PARD3: variants seen among roughly 807,000 people sequenced by gnomAD.
PARD3 encodes the protein par-3 family cell polarity regulator.
A neutral mutation model predicts 155.4 loss-of-function variants in PARD3; 75 were observed. The ratio of observed to expected loss-of-function variants is 0.48; its 90% CI spans 0.40 to 0.58. The LOEUF is 0.58. Among genes scored for constraint, PARD3 ranks in the 20% least tolerant of loss-of-function variants. The probability of loss-of-function intolerance (pLI) is 0.00; values close to 1 mark genes in which losing one functional copy is unlikely to be tolerated. For missense variants in PARD3, 1,642 were observed against 1,721.7 expected (o/e 0.95, Z 0.82); for synonymous variants, 576 against 610.5 (o/e 0.94, Z 0.83).
At chr10:34,318,890 C>T (rs1033426302) in intron 19 of PARD3, among the ~76,000 whole-genome samples, 9 of 151,770 alleles carry the variant, frequency 5.9e-5, no homozygotes, top group Non-Finnish European at 8.8e-5. Flanking sequence ...CTCAGCCTCC[C>T]GAGTAGCTGG....
chr10:34,363,221 G>A lies in PARD3; in HGVS notation c.1708-2962C>T, dbSNP rs141031384. ...TTCCTACTTGAAAGATCAGGATAAG[G>A]AGCTGGCTGCATATATGAAGAAAAA... On this transcript the variant is annotated intron_variant, in intron 12 of 24. Coordinates refer to ENST00000374788, the MANE Select transcript of PARD3 (RefSeq NM_001184785.2). Among the ~76,000 whole-genome samples, 853 of 152,258 alleles carry A rather than the reference G, an allele frequency of 5.6e-3. 6 individuals are homozygous for A. The highest frequency in any genetic ancestry group is 0.019 in the African/African-American group (805 of 41,558).
At chr10:34,497,762 C>T (rs943024475) in intron 3 of PARD3, among the ~76,000 whole-genome samples, 2 of 152,068 alleles carry the variant, frequency 1.3e-5, no homozygotes, top group African/African-American at 2.4e-5. Context: ...AGATGATCAG[C>T]GGGTCAAGAT....
intron 20 of PARD3, among the ~76,000 whole-genome samples, chr10:34,299,288 T>C (rs1957046698): frequency 2.6e-5 from 4 of 152,222 alleles, no homozygotes; most frequent in Admixed American, 2.6e-4. Context: ...CTGTCAGTAC[T>C]GAAGACAAAA....
Position 34,382,713 on chromosome 10 carries a change from T to C in PARD3, c.1226A>G (p.Asn409Ser), listed in dbSNP as rs2132002740. ...LHTVQRAPRL[N>S]HPPEQIDSHS... is the part of the protein sequence containing the mutation. ...AGAGTCTATCTGCTCAGGCGGGTGG[T>C]TCAGTCGGGGTGCTCTCTGCACCGT... Residue 409 changes from asparagine (N) to serine (S), a missense_variant, in exon 9 of 25, where the codon AAC becomes AGC. Around this residue, in one of 3 missense-constraint regions of PARD3, gnomAD observed 1,529 missense variants for 1,587.3 expected, o/e 0.96. Transcript: ENST00000374788. 6.2e-7 allele frequency: 1 copy of C among 1,614,156 alleles called. No homozygotes were observed. Among genetic ancestry groups the C allele is most frequent in the Non-Finnish European group, 8.5e-7 (1 of 1,180,026 alleles).
chr10:34,405,180 T>C (rs1844327522), intron 5 of PARD3, among the ~76,000 whole-genome samples: 1 of 151,806 alleles, frequency 6.6e-6, no homozygotes, highest in African/African-American at 2.4e-5. Flanking sequence ...ATCACAAGCA[T>C]TACATGGTGC....
At chr10:34,139,678 G>A (rs966723384) in intron 22 of PARD3, among the ~76,000 whole-genome samples, 9 of 152,192 alleles carry the variant, frequency 5.9e-5, no homozygotes, top group African/African-American at 2.2e-4. Flanking sequence ...AGCCAGCAGT[G>A]ACCACCAGCG....
At chr10:34,313,861 G>C (rs1005473696) in intron 20 of PARD3, among the ~76,000 whole-genome samples, 4 of 152,136 alleles carry the variant, frequency 2.6e-5, no homozygotes, top group African/African-American at 4.8e-5. Flanking sequence ...GCAGACTAAA[G>C]AGAACAAGCT....
chr10:34,360,681 T>C (rs116222540), intron 12 of PARD3, among the ~76,000 whole-genome samples: 3,068 of 152,304 alleles, frequency 0.02, 91 homozygotes, highest in African/African-American at 0.071. Flanking sequence ...GTTATCAATA[T>C]ATTTAATGTT....
At chr10:34,746,596 G>C (rs1590927506) in intron 1 of PARD3, among the ~76,000 whole-genome samples, 1 of 152,152 alleles carries the variant, frequency 6.6e-6, no homozygotes, top group African/African-American at 2.4e-5. Context: ...TTCATATCAA[G>C]TAGAAATAAT....
chr10:34,395,919 T>C (rs1285015437), intron 7 of PARD3, among the ~76,000 whole-genome samples: 1 of 152,014 alleles, frequency 6.6e-6, no homozygotes, highest in Non-Finnish European at 1.5e-5. Context: ...TATTTGTCTC[T>C]ATTTCTACAT....
At chr10:34,706,494 C>G (rs935171831) in intron 1 of PARD3, among the ~76,000 whole-genome samples, 2 of 152,186 alleles carry the variant, frequency 1.3e-5, no homozygotes, top group African/African-American at 4.8e-5. Flanking sequence ...CACCTGTAAT[C>G]CCAGCACTCT....
intron 2 of PARD3, among the ~76,000 whole-genome samples, chr10:34,680,614 AAAG>A (rs1313187050): frequency 6.6e-6 from 1 of 151,844 alleles, no homozygotes; most frequent in African/African-American, 2.4e-5. Flanking sequence ...GGGGAAAGAT[AAAG>A]AAAGAAAACG....
intron 19 of PARD3, among the ~76,000 whole-genome samples, chr10:34,327,070 A>C (rs1021768384): frequency 1.3e-5 from 2 of 152,230 alleles, no homozygotes; most frequent in Non-Finnish European, 2.9e-5. Flanking sequence ...GTATTTTTTA[A>C]AAGAAAACAA....
chr10:34,258,945 T>C (rs1393124220), intron 22 of PARD3, among the ~76,000 whole-genome samples: 1 of 152,042 alleles, frequency 6.6e-6, no homozygotes, highest in African/African-American at 2.4e-5. Context: ...GGCACCTACC[T>C]GTAGTCCCAG....
At chr10:34,477,528 T>C (rs1402396187) in intron 3 of PARD3, among the ~76,000 whole-genome samples, 1 of 152,200 alleles carries the variant, frequency 6.6e-6, no homozygotes, top group Non-Finnish European at 1.5e-5. Flanking sequence ...ACTGTAAATA[T>C]TGATGTCTCT....
At chr10:34,723,643 G>A (rs1051236430) in intron 1 of PARD3, among the ~76,000 whole-genome samples, 1 of 152,198 alleles carries the variant, frequency 6.6e-6, no homozygotes, top group African/African-American at 2.4e-5. Flanking sequence ...GCTTTATGAT[G>A]TCAGAAGACT....
At chr10:34,196,475 G>A (rs1950938381) in intron 22 of PARD3, among the ~76,000 whole-genome samples, 1 of 151,604 alleles carries the variant, frequency 6.6e-6, no homozygotes, top group Non-Finnish European at 1.5e-5. Flanking sequence ...ATTGAACAAT[G>A]CTTGAGAGAA....
chr10:34,618,337 A>G (rs1446243684), intron 2 of PARD3, among the ~76,000 whole-genome samples: 1 of 152,198 alleles, frequency 6.6e-6, no homozygotes, highest in Non-Finnish European at 1.5e-5. Context: ...TTTGCTTCAA[A>G]ATAGTGACTC....
chr10:34,644,622 T>C (rs567103688), intron 2 of PARD3, among the ~76,000 whole-genome samples: 10 of 152,224 alleles, frequency 6.6e-5, no homozygotes, highest in Non-Finnish European at 1.0e-4. Flanking sequence ...AAGATGTACC[T>C]TGACAGTCTC....
Sources: allele counts gnomAD v4.1 joint callset (sites outside exome capture counted in the v4.1 genomes callset), GRCh38; gene constraint gnomAD v4.1.1; regional missense constraint gnomAD v4.1.1; transcripts MANE v1.5; gene names NCBI Gene and HGNC (gene_info 2026-07-23, HGNC 2026-07-21).